The following DCHS2 variants were observed in gnomAD, a reference collection of about 807,000 sequenced individuals.
The protein encoded by DCHS2 is dachsous cadherin-related 2.
Under a neutral mutation model 182.4 loss-of-function variants are expected in DCHS2, and 142 were observed. The observed-to-expected ratio is 0.78, with a 90% confidence interval of 0.68 to 0.89. DCHS2 has a LOEUF of 0.89. Among genes scored for constraint, DCHS2 ranks in the 40% least tolerant of loss-of-function variants. DCHS2 has a pLI of 0.00. For missense variants in DCHS2, 4,319 were observed against 4,198.6 expected (o/e 1.03, Z -0.79); for synonymous variants, 1,740 against 1,663.3 (o/e 1.05, Z -1.12).
At chr4:154,480,122 C>A (rs1027063293) in intron 1 of DCHS2, among the ~76,000 whole-genome samples, 3 of 152,158 alleles carry the variant, frequency 2.0e-5, no homozygotes, top group African/African-American at 7.2e-5. Flanking sequence ...TAGGACCAGA[C>A]AAGTCAATCT....
chr4:154,411,947 C>A (rs1732650060), intron 1 of DCHS2, among the ~76,000 whole-genome samples: 1 of 152,148 alleles, frequency 6.6e-6, no homozygotes, highest in African/African-American at 2.4e-5. Flanking sequence ...TTCTTACATG[C>A]AATTGACCCA....
intron 1 of DCHS2, among the ~76,000 whole-genome samples, chr4:154,398,942 G>A (rs1732043428): frequency 6.6e-6 from 1 of 152,138 alleles, no homozygotes; most frequent in South Asian, 2.1e-4. Context: ...GCTCAAATTA[G>A]GCAGGACCCT....
chr4:154,421,307 T>C (rs944962446), intron 1 of DCHS2, among the ~76,000 whole-genome samples: 1 of 152,172 alleles, frequency 6.6e-6, no homozygotes, highest in Non-Finnish European at 1.5e-5. Context: ...ATCGAAATAC[T>C]TTATTAAAGA....
chr4:154,304,825 A>C lies in DCHS2; in HGVS notation c.5449T>G (p.Cys1817Gly), dbSNP rs1212774953. The change falls in exon 12 of 20, where the codon TGC becomes GGC. Residue 1817 changes from cysteine to glycine, a missense_variant. By Grantham distance (159) the Cys-to-Gly change is radical. Transcript: ENST00000357232. ...TGATCGTTTTCATCTTCAACAGTGC[A>C]GAGGATTGTTGTGGTGCTGGACAAT... ...PSLSSTTTIL[C>G]TVEDENDHAP... The C allele has an allele frequency of 6.2e-7, 1 of 1,613,846 alleles. No homozygotes were observed. Among genetic ancestry groups the C allele is most frequent in the Non-Finnish European group, 8.5e-7 (1 of 1,179,902 alleles).
rs761423778 is a variant in DCHS2, at chr4:154,298,463, C to G, written c.5851G>C (p.Val1951Leu). 6.2e-7 allele frequency: 1 copy of G among 1,614,184 alleles called. No individual in the cohort carries two copies. The highest frequency in any genetic ancestry group is 2.2e-5 in the East Asian group (1 of 44,878). Residue 1951 changes from valine (V) to leucine (L), a missense_variant, in exon 13 of 20, where the codon GTG (valine) becomes CTG (leucine). By Grantham distance (32) the Val-to-Leu change is conservative. Transcript: ENST00000357232. ...SVREDAEVGTVVLVLSAVDKD... is the reference protein window; with the variant it reads ...SVREDAEVGTLVLVLSAVDKD... Reference sequence around the variant, plus strand: ...TCCACAGCTGAAAGCACAAGAACCACTGTTCCCACTTCAGCATCTTCTCTC... The same window carrying G: ...TCCACAGCTGAAAGCACAAGAACCAGTGTTCCCACTTCAGCATCTTCTCTC...
chr4:154,349,683 T>G (rs996365377), intron 3 of DCHS2, among the ~76,000 whole-genome samples: 5 of 152,182 alleles, frequency 3.3e-5, no homozygotes, highest in African/African-American at 9.7e-5. Context: ...GTTCAACAAC[T>G]AAGGGAAATC....
rs1451257001 is a variant in DCHS2, at chr4:154,298,106, T to C, written c.6208A>G (p.Asn2070Asp). The C allele has an allele frequency of 1.2e-6, 2 of 1,614,118 alleles. No individual in the cohort carries two copies. Among genetic ancestry groups the C allele is most frequent in the Admixed American group, 3.3e-5 (2 of 60,010 alleles). Reference protein sequence around the residue: ...VRADDLDLGPNGTVVFSFAET... With the variant: ...VRADDLDLGPDGTVVFSFAET... ...GCAAAACTAAAAACCACAGTTCCAT[T>C]GGGCCCCAAGTCCAGGTCATCAGCT... Residue 2070 changes from asparagine to aspartate, a missense_variant, in exon 13 of 20, where the codon AAT (asparagine) becomes GAT (aspartate). Asn to Asp is a conservative substitution (Grantham distance 23). Transcript: ENST00000357232.
intron 16 of DCHS2, among the ~76,000 whole-genome samples, chr4:154,251,790 A>T (rs1384376822): frequency 6.6e-6 from 1 of 152,140 alleles, no homozygotes; most frequent in Non-Finnish European, 1.5e-5. Context: ...AAGTGCTAGG[A>T]TTACAGGCAT....
intron 15 of DCHS2, among the ~76,000 whole-genome samples, chr4:154,257,552 G>A (rs567894265): frequency 3.4e-4 from 51 of 152,170 alleles, no homozygotes; most frequent in Admixed American, 6.5e-5. Flanking sequence ...ACCTTTGGCG[G>A]GATGGGAGTG....
intron 3 of DCHS2, among the ~76,000 whole-genome samples, chr4:154,365,138 T>C (rs780343095): frequency 6.6e-6 from 1 of 152,178 alleles, no homozygotes; most frequent in Non-Finnish European, 1.5e-5. Context: ...CTTTGGCAGA[T>C]ATGCAATTAC....
rs886188858 is a variant in DCHS2, at chr4:154,232,810, C to T, written c.*1726G>A. The T allele has an allele frequency of 6.1e-4, 92 of 152,026 alleles. 2 individuals are homozygous for T. Among genetic ancestry groups the T allele is most frequent in the Admixed American group, 4.9e-3 (75 of 15,252 alleles). The allele number at this position is 152,026 out of a possible 1,614,324, so 9.4% of individuals were successfully genotyped here. A position where few individuals can be genotyped will look rare whatever the true frequency, so the allele number is the denominator to read the frequency against. On this transcript the variant is annotated 3_prime_UTR_variant, in exon 20 of 20. Coordinates refer to ENST00000357232, the MANE Select transcript of DCHS2 (RefSeq NM_001358235.2). ...AAGGAGAAACATCATATATCAGTCC[C>T]ATAGTATTTAAATTTTCTACTCCTA... is the stretch of plus-strand genomic sequence containing the variant.
chr4:154,450,971 G>T (rs1344958827), intron 1 of DCHS2, among the ~76,000 whole-genome samples: 1 of 152,206 alleles, frequency 6.6e-6, no homozygotes, highest in Non-Finnish European at 1.5e-5. Context: ...CAGGAAAGAG[G>T]TATATGCCTG....
intron 7 of DCHS2, among the ~76,000 whole-genome samples, chr4:154,326,829 T>G (rs777412737): frequency 6.6e-6 from 1 of 152,176 alleles, no homozygotes; most frequent in East Asian, 1.9e-4. Flanking sequence ...AACTTCCCAC[T>G]TGTTATTTGG....
intron 3 of DCHS2, among the ~76,000 whole-genome samples, chr4:154,353,952 G>A (rs1169267082): frequency 1.3e-5 from 2 of 152,024 alleles, no homozygotes; most frequent in Non-Finnish European, 1.5e-5. Context: ...TTTCAGACAG[G>A]ATCTCACTCT....
At chr4:154,322,284 AATGAAATCTT>A (rs763555198) in intron 8 of DCHS2, 37 bp downstream of exon 8, 69 of 1,609,072 alleles carry the variant, frequency 4.3e-5, no homozygotes, top group Non-Finnish European at 5.4e-5. Context: ...ATGAAAGTCA[AATGAAATCTT>A]TAGATGTCCT....
intron 1 of DCHS2, among the ~76,000 whole-genome samples, chr4:154,439,458 A>G (rs1733910375): frequency 6.6e-6 from 1 of 152,180 alleles, no homozygotes; most frequent in African/African-American, 2.4e-5. Context: ...TTTAGTTAAT[A>G]TTACACTGAA....
At chr4:154,453,125 T>C (rs1379878639) in intron 1 of DCHS2, among the ~76,000 whole-genome samples, 3 of 151,970 alleles carry the variant, frequency 2.0e-5, no homozygotes, top group Non-Finnish European at 4.4e-5. Flanking sequence ...ATCCCGTGCA[T>C]GCAGGCAAAA....
At chr4:154,288,365 T>C (rs193167723) in intron 13 of DCHS2, among the ~76,000 whole-genome samples, 326 of 152,264 alleles carry the variant, frequency 2.1e-3, no homozygotes, top group Non-Finnish European at 3.7e-3. Context: ...AGCAAAAGGA[T>C]ATAATGTTTG....
chr4:154,445,093 C>T (rs144996735), intron 1 of DCHS2, among the ~76,000 whole-genome samples: 1 of 152,140 alleles, frequency 6.6e-6, no homozygotes, highest in Admixed American at 6.5e-5. Context: ...GTCTCCTCAC[C>T]CTGCTTTAAT....
Sources: gnomAD v4.1 joint callset for allele counts (sites outside exome capture counted in the v4.1 genomes callset) on GRCh38, gnomAD v4.1.1 for gene constraint, MANE v1.5 for transcripts, NCBI Gene and HGNC (gene_info 2026-07-23, HGNC 2026-07-21) for gene names.